JAM3: variants seen among roughly 807,000 people sequenced by gnomAD.
JAM3 encodes junctional adhesion molecule C.
JAM3 carries 31 observed loss-of-function variants against 39.4 expected under a neutral mutation model. The observed-to-expected ratio is 0.79, with a 90% CI of 0.59 to 1.06. The LOEUF (loss-of-function observed/expected upper bound fraction) is 1.06. Ranked by LOEUF, JAM3 falls within the 50% of genes least tolerant of loss-of-function variation. JAM3 has a pLI of 0.00. For missense variants in JAM3, 455 were observed against 391.4 expected (o/e 1.16, Z -1.37); for synonymous variants, 182 against 148.7 (o/e 1.22, Z -1.63).
chr11:134,087,067 A>G (rs1278618721), intron 1 of JAM3, among the ~76,000 whole-genome samples: 6 of 152,080 alleles, frequency 3.9e-5, no homozygotes, highest in Non-Finnish European at 8.8e-5. Context: ...AGTCTCCCAG[A>G]GTACTGGGAT....
intron 1 of JAM3, among the ~76,000 whole-genome samples, chr11:134,105,916 A>G (rs1390436058): frequency 1.3e-5 from 2 of 152,350 alleles, no homozygotes; most frequent in Admixed American, 1.3e-4. Flanking sequence ...GAAAATGGCC[A>G]TACCGCCGAA....
Position 134,151,809 on chromosome 11 carries a change from G to C in JAM3, c.*2628G>C, listed in dbSNP as rs933611068. On this transcript the variant is annotated 3_prime_UTR_variant, in exon 9 of 9. Transcript: ENST00000299106. ...ACGTTGGGTTTGTCTCTTCTTCCTA[G>C]CATTTCAGTGGTTAGGCATGCACAC... is the stretch of plus-strand genomic sequence containing the variant. 43 of 152,030 alleles carry C rather than the reference G, an allele frequency of 2.8e-4. No homozygotes were observed. Among genetic ancestry groups the C allele is most frequent in the African/African-American group, 9.9e-4 (41 of 41,504 alleles). The allele number at this position is 152,030 out of a possible 1,614,324, so 9.4% of individuals were successfully genotyped here.
At chr11:134,071,770 T>G (rs1250829428) in intron 1 of JAM3, among the ~76,000 whole-genome samples, 1 of 152,212 alleles carries the variant, frequency 6.6e-6, no homozygotes, top group East Asian at 1.9e-4. Context: ...TGGCATATTC[T>G]TTTATGTTCT....
intron 1 of JAM3, among the ~76,000 whole-genome samples, chr11:134,084,833 G>A (rs542784119): frequency 6.0e-4 from 92 of 152,298 alleles, no homozygotes; most frequent in African/African-American, 2.1e-3. Context: ...AGTTAAGATG[G>A]TTCTCTTCTT....
chr11:134,092,579 T>C (rs918428911), intron 1 of JAM3, among the ~76,000 whole-genome samples: 5 of 149,136 alleles, frequency 3.4e-5, no homozygotes, highest in Admixed American at 6.6e-5. Flanking sequence ...ACATGTCACT[T>C]CCTGAGGGAA....
intron 1 of JAM3, among the ~76,000 whole-genome samples, chr11:134,078,642 G>A (rs1158643503): frequency 6.6e-6 from 1 of 152,212 alleles, no homozygotes; most frequent in East Asian, 1.9e-4. Flanking sequence ...AACAGGAATT[G>A]GAGCTTTACT....
intron 1 of JAM3, among the ~76,000 whole-genome samples, chr11:134,127,838 A>G (rs1282974281): frequency 2.0e-5 from 3 of 152,230 alleles, no homozygotes; most frequent in African/African-American, 7.2e-5. Context: ...AAGAGAGGAA[A>G]CAGAAGAGAG....
chr11:134,144,907 C>G lies in JAM3; in HGVS notation c.525C>G (p.Arg175=). Reference sequence around the variant, plus strand: ...CCCGGCCTCACTACAGCTGGTATCGCAATGATGTACCACTGCCCACGGATT... The same window carrying G: ...CCCGGCCTCACTACAGCTGGTATCGGAATGATGTACCACTGCCCACGGATT... ...GHPRPHYSWY[R]NDVPLPTDSR... is the part of the protein sequence containing the mutation. The change falls in exon 5 of 9, where the codon CGC becomes CGG. Residue 175 remains arginine (R), a synonymous_variant. Coordinates refer to ENST00000299106, the MANE Select transcript of JAM3 (RefSeq NM_032801.5). 6.2e-7 allele frequency: 1 copy of G among 1,614,194 alleles called. No homozygotes were observed. Among genetic ancestry groups the G allele is most frequent in the Non-Finnish European group, 8.5e-7 (1 of 1,180,018 alleles).
chr11:134,119,658 G>C (rs997209703), intron 1 of JAM3, among the ~76,000 whole-genome samples: 15 of 152,190 alleles, frequency 9.9e-5, no homozygotes, highest in African/African-American at 3.6e-4. Context: ...TTTCCTCTTG[G>C]AGAGGAGGCC....
intron 1 of JAM3, among the ~76,000 whole-genome samples, chr11:134,072,453 C>A (rs961267323): frequency 6.6e-6 from 1 of 152,008 alleles, no homozygotes; most frequent in Non-Finnish European, 1.5e-5. Context: ...ATTACAGATG[C>A]GTGCCACCTT....
intron 6 of JAM3, among the ~76,000 whole-genome samples, chr11:134,147,326 C>A (rs959974766): frequency 9.3e-5 from 14 of 151,050 alleles, no homozygotes; most frequent in African/African-American, 3.4e-4. Flanking sequence ...TGGTGGCAGG[C>A]GCCTGTAGTC....
chr11:134,150,668 TTTG>T lies in JAM3; in HGVS notation c.*1490_*1492del, dbSNP rs1943193981. Reference sequence around the variant, plus strand: ...TTTTTTTTTTAAGTTTGTTTAATTATTTGTTAAGATTGTCTAAGGCCAAAGGCA... The same window carrying T: ...TTTTTTTTTTAAGTTTGTTTAATTATTTAAGATTGTCTAAGGCCAAAGGCA... On this transcript the variant is annotated 3_prime_UTR_variant, in exon 9 of 9. Transcript: ENST00000299106. 1.3e-5 allele frequency: 2 copies of T among 152,060 alleles called. No individual in the cohort carries two copies. Among genetic ancestry groups the T allele is most frequent in the Admixed American group, 6.6e-5 (1 of 15,266 alleles). The allele number at this position is 152,060 out of a possible 1,614,324, so 9.4% of individuals were successfully genotyped here. A position where few individuals can be genotyped will look rare whatever the true frequency, so the allele number is the denominator to read the frequency against.
chr11:134,147,630 G>A (rs1324654503), intron 6 of JAM3, among the ~76,000 whole-genome samples: 1 of 151,758 alleles, frequency 6.6e-6, no homozygotes, highest in African/African-American at 2.4e-5. Flanking sequence ...GGGACTACAG[G>A]CACCTGCCAA....
intron 8 of JAM3, among the ~76,000 whole-genome samples, 153 bp from the exon 9 acceptor site, chr11:134,148,993 C>CTA (rs1555121837): frequency 1.3e-5 from 2 of 148,884 alleles, no homozygotes; most frequent in Non-Finnish European, 3.0e-5. Context: ...CACACACACA[C>CTA]ACTAATGGGA....
intron 1 of JAM3, among the ~76,000 whole-genome samples, chr11:134,127,567 G>T (rs1177934360): frequency 6.6e-6 from 1 of 152,190 alleles, no homozygotes; most frequent in East Asian, 1.9e-4. Context: ...GGACGTGGTG[G>T]CACATGTCTG....
chr11:134,074,364 A>G (rs1471325008), intron 1 of JAM3, among the ~76,000 whole-genome samples: 1 of 152,236 alleles, frequency 6.6e-6, no homozygotes, highest in Non-Finnish European at 1.5e-5. Flanking sequence ...AGTAGATACA[A>G]TAGTGGAATT....
At chr11:134,147,693 A>T (rs1159786658) in intron 6 of JAM3, 1 of 150,144 alleles carries the variant, frequency 6.7e-6, no homozygotes, top group Admixed American at 6.6e-5. Context: ...TCACCACCTT[A>T]GCCAGGATGG....
chr11:134,088,124 T>G (rs1432934251), intron 1 of JAM3, among the ~76,000 whole-genome samples: 2 of 152,206 alleles, frequency 1.3e-5, no homozygotes, highest in Non-Finnish European at 2.9e-5. Flanking sequence ...TGTTAAGTGC[T>G]GGGACCAGGA....
intron 1 of JAM3, among the ~76,000 whole-genome samples, chr11:134,128,891 C>T (rs368552097): frequency 4.6e-5 from 7 of 152,200 alleles, no homozygotes; most frequent in African/African-American, 1.4e-4. Flanking sequence ...ATTTCCATTC[C>T]CCTCTGTATT....
Sources: allele counts gnomAD v4.1 joint callset (sites outside exome capture counted in the v4.1 genomes callset), GRCh38; gene constraint gnomAD v4.1.1; transcripts MANE v1.5; gene names NCBI Gene and HGNC (gene_info 2026-07-23, HGNC 2026-07-21).